SAMD12: variants seen among roughly 807,000 people sequenced by gnomAD.
SAMD12 encodes the protein sterile alpha motif domain containing 12, also known as sterile alpha motif domain-containing protein 12.
Under a neutral mutation model 15.0 loss-of-function variants are expected in SAMD12, and 9 were observed. The ratio of observed to expected loss-of-function variants is 0.60; its 90% CI spans 0.36 to 1.05. The LOEUF (loss-of-function observed/expected upper bound fraction) is 1.05. Ranked by LOEUF, SAMD12 falls within the 50% of genes least tolerant of loss-of-function variation. The pLI, the probability that SAMD12 is intolerant of heterozygous loss-of-function variation, is 0.01. For synonymous variants in SAMD12, 86 were observed against 90.1 expected (o/e 0.96, Z 0.25); for missense variants, 230 against 234.2 (o/e 0.98, Z 0.12).
chr8:118,444,689 C>T (rs1563864042), intron 2 of SAMD12, among the ~76,000 whole-genome samples: 1 of 152,016 alleles, frequency 6.6e-6, no homozygotes, highest in Non-Finnish European at 1.5e-5. Context: ...AGCTTTTCTG[C>T]TAAGTAACAG....
chr8:118,551,016 C>G (rs1481858076), intron 2 of SAMD12, among the ~76,000 whole-genome samples: 1 of 152,018 alleles, frequency 6.6e-6, no homozygotes, highest in Non-Finnish European at 1.5e-5. Flanking sequence ...CAGGAGCACC[C>G]AGATTCATAA....
chr8:118,255,337 C>T (rs958703667), intron 4 of SAMD12, among the ~76,000 whole-genome samples: 1 of 151,978 alleles, frequency 6.6e-6, no homozygotes, highest in East Asian at 1.9e-4. Flanking sequence ...CTGCTATTAA[C>T]ATTTCTTTAT....
intron 3 of SAMD12, among the ~76,000 whole-genome samples, chr8:118,427,230 A>T (rs1175682812): frequency 6.6e-6 from 1 of 152,190 alleles, no homozygotes; most frequent in Admixed American, 6.5e-5. Context: ...AATCTAAATG[A>T]TCCTATGGCC....
At chr8:118,268,915 A>C (rs1239216687) in intron 4 of SAMD12, among the ~76,000 whole-genome samples, 1 of 152,190 alleles carries the variant, frequency 6.6e-6, no homozygotes, top group Non-Finnish European at 1.5e-5. Context: ...GGTGAATTCC[A>C]TTCTCAGAGA....
chr8:118,197,609 C>T (rs923943231), exon 5 of SAMD12: 2 of 996,072 alleles, frequency 2.0e-6, no homozygotes, highest in African/African-American at 3.2e-5. Context: ...TGTCCACGAT[C>T]CAAGGATATC....
the SAMD12 span, among the ~76,000 whole-genome samples, chr8:118,155,445 C>G: frequency 6.6e-6 from 1 of 152,168 alleles, no homozygotes; most frequent in Middle Eastern, 3.2e-3. Context: ...ATGAGAGGCT[C>G]AAGGCAGGAG....
At chr8:118,172,879 C>A in the SAMD12 span, among the ~76,000 whole-genome samples, 10 of 152,226 alleles carry the variant, frequency 6.6e-5, no homozygotes, top group African/African-American at 2.4e-4. Flanking sequence ...AAACTTTATA[C>A]CATTTGAACA....
chr8:118,250,168 C>T (rs1470294913), intron 4 of SAMD12, among the ~76,000 whole-genome samples: 1 of 152,082 alleles, frequency 6.6e-6, no homozygotes, highest in African/African-American at 2.4e-5. Context: ...GGCACGCCAA[C>T]ATGTCATTGA....
chr8:118,318,677 G>A (rs184030180), intron 4 of SAMD12, among the ~76,000 whole-genome samples: 5 of 152,098 alleles, frequency 3.3e-5, no homozygotes, highest in African/African-American at 1.2e-4. Context: ...AGTCATCCAT[G>A]TAACCAAAAA....
intron 4 of SAMD12, among the ~76,000 whole-genome samples, chr8:118,247,060 G>A (rs2129994300): frequency 6.6e-6 from 1 of 152,184 alleles, no homozygotes; most frequent in Middle Eastern, 3.4e-3. Context: ...ATTACAGGAA[G>A]CAAGACTGGA....
intron 1 of SAMD12, 98 bp from the exon 2 acceptor site, chr8:118,580,991 G>C: frequency 1.1e-6 from 1 of 888,592 alleles, no homozygotes; most frequent in Non-Finnish European, 1.7e-6. Flanking sequence ...AAAAAAACGA[G>C]GCATCTATGA....
At chr8:118,460,165 C>A (rs1823373372) in intron 2 of SAMD12, among the ~76,000 whole-genome samples, 1 of 152,198 alleles carries the variant, frequency 6.6e-6, no homozygotes, top group Non-Finnish European at 1.5e-5. Context: ...TCCTACTATT[C>A]TTTTTCTTCT....
intron 2 of SAMD12, among the ~76,000 whole-genome samples, chr8:118,554,406 C>T (rs1374264618): frequency 1.3e-5 from 2 of 151,898 alleles, no homozygotes; most frequent in Non-Finnish European, 2.9e-5. Flanking sequence ...AATTGGAAAT[C>T]ATCATTCTCA....
intron 3 of SAMD12, among the ~76,000 whole-genome samples, chr8:118,411,603 A>C (rs963159222): frequency 3.7e-5 from 5 of 134,176 alleles, no homozygotes; most frequent in East Asian, 3.9e-4. Context: ...GGGGACCCAC[A>C]ATAGTTAAAG....
chr8:118,177,078 G>T, the SAMD12 span, among the ~76,000 whole-genome samples: 3 of 152,190 alleles, frequency 2.0e-5, no homozygotes, highest in African/African-American at 4.8e-5. Flanking sequence ...GGAATGAGTG[G>T]ATGCGTTTCG....
At chr8:118,287,445 C>T (rs903885504) in intron 4 of SAMD12, among the ~76,000 whole-genome samples, 24 of 152,060 alleles carry the variant, frequency 1.6e-4, no homozygotes, top group Non-Finnish European at 2.9e-4. Flanking sequence ...TTCTTTAAAC[C>T]GACAGCAAAA....
the SAMD12 span, among the ~76,000 whole-genome samples, chr8:118,163,893 C>T: frequency 1.4e-5 from 2 of 147,998 alleles, no homozygotes; most frequent in Non-Finnish European, 3.0e-5. Flanking sequence ...CAAAACAAAA[C>T]AAAACAAAAC....
intron 4 of SAMD12, among the ~76,000 whole-genome samples, chr8:118,333,453 G>A (rs889171829): frequency 2.6e-5 from 4 of 152,110 alleles, no homozygotes; most frequent in Non-Finnish European, 4.4e-5. Context: ...TTCTGAAAAA[G>A]AAGGGATGTT....
intron 4 of SAMD12, among the ~76,000 whole-genome samples, chr8:118,253,419 C>G (rs560573066): frequency 1.3e-5 from 2 of 152,312 alleles, no homozygotes; most frequent in East Asian, 1.9e-4. Context: ...CTATCTTAAA[C>G]TATAATGTTG....
Sources: allele counts gnomAD v4.1 joint callset (sites outside exome capture counted in the v4.1 genomes callset), GRCh38; gene constraint gnomAD v4.1.1; transcripts MANE v1.5; gene names NCBI Gene and HGNC (gene_info 2026-07-23, HGNC 2026-07-21).